SPAG17: variants seen among roughly 807,000 people sequenced by gnomAD.
The protein encoded by SPAG17 is sperm-associated antigen 17.
A neutral mutation model predicts 273.6 loss-of-function variants in SPAG17; 169 were observed. That is an observed-to-expected ratio of 0.62 (90% CI 0.55 to 0.70). SPAG17 has a LOEUF of 0.70. SPAG17 is among the 30% of genes least tolerant of loss of function. The probability of loss-of-function intolerance (pLI) is 0.00; values close to 1 mark genes in which losing one functional copy is unlikely to be tolerated. For synonymous variants in SPAG17, 825 were observed against 873.2 expected (o/e 0.94, Z 0.97); for missense variants, 2,557 against 2,627.8 (o/e 0.97, Z 0.59).
chr1:118,092,496 T>C (rs574243902), intron 8 of SPAG17, among the ~76,000 whole-genome samples: 1 of 152,244 alleles, frequency 6.6e-6, no homozygotes, highest in South Asian at 2.1e-4. Context: ...TGCTCCTGGC[T>C]TGTGCCATAA....
At position 118,157,524 on chromosome 1, in the gene SPAG17, T is replaced by C. The variant is rs539540806; in HGVS notation, c.88-6155A>G. On this transcript the variant is annotated intron_variant, in intron 1 of 48. Coordinates refer to ENST00000336338, the MANE Select transcript of SPAG17 (RefSeq NM_206996.4). ...TCTCCTTTCCTCCTGACCATTTCCC[T>C]ACTTCCCCACTCAGGCATCTGCACA... Among the ~76,000 whole-genome samples, 368 of 152,256 alleles carry C rather than the reference T, an allele frequency of 2.4e-3. 2 individuals carry two copies. The highest frequency in any genetic ancestry group is 8.5e-3 in the African/African-American group (354 of 41,550).
At chr1:118,117,631 C>CAG (rs1045142890) in intron 3 of SPAG17, among the ~76,000 whole-genome samples, 9 of 152,148 alleles carry the variant, frequency 5.9e-5, no homozygotes, top group African/African-American at 1.9e-4. Flanking sequence ...CATACAGACA[C>CAG]AGAGAGAGAG....
rs1652762665 is a variant in SPAG17 at position 117,959,662 on chromosome 1, T to G, written c.*4137A>C. 1.2e-5 allele frequency: 5 copies of G among 406,564 alleles called. No individual in the cohort carries two copies. The Admixed American group carries it at 1.3e-4, about 10-fold the overall frequency. The allele number at this position is 406,564 out of a possible 1,614,324, so 25.2% of individuals were successfully genotyped here. ...TTGGACTTAAAATGCATTATTAGTT[T>G]AAAAATCTTTCTGTGCTCTCAAAGC... On this transcript the variant is annotated intron_variant, in intron 48 of 48. Transcript: ENST00000336338.
intron 1 of SPAG17, among the ~76,000 whole-genome samples, chr1:118,172,397 A>G (rs897220182): frequency 4.6e-5 from 7 of 152,166 alleles, no homozygotes; most frequent in South Asian, 2.1e-4. Flanking sequence ...GGGTTGCCAT[A>G]AACTTTTTTC....
chr1:118,051,899 TATAAACTATTATAATAC>T (rs1382060101), intron 20 of SPAG17, among the ~76,000 whole-genome samples: 1 of 135,584 alleles, frequency 7.4e-6, no homozygotes, highest in Non-Finnish European at 1.5e-5. Flanking sequence ...TAATATAATA[TATAAACTATTATAATAC>T]ATAAACTATT....
chr1:118,083,303 A>T (rs1654734294), intron 13 of SPAG17, among the ~76,000 whole-genome samples: 1 of 152,170 alleles, frequency 6.6e-6, no homozygotes, highest in South Asian at 2.1e-4. Flanking sequence ...TCAGTTACAA[A>T]GGCACATGAT....
chr1:118,148,184 C>T (rs1659151638), intron 3 of SPAG17, among the ~76,000 whole-genome samples: 3 of 152,162 alleles, frequency 2.0e-5, no homozygotes, highest in South Asian at 4.1e-4. Flanking sequence ...GACTTTCGCT[C>T]CTCAGGAGTT....
At chr1:118,131,596 A>T (rs1160951084) in intron 3 of SPAG17, among the ~76,000 whole-genome samples, 1 of 152,216 alleles carries the variant, frequency 6.6e-6, no homozygotes, top group African/African-American at 2.4e-5. Context: ...AGCCTGGAGC[A>T]TAGTAGATGA....
intron 23 of SPAG17, among the ~76,000 whole-genome samples, chr1:118,038,628 C>T (rs986672558): frequency 6.6e-6 from 1 of 152,210 alleles, no homozygotes; most frequent in Middle Eastern, 3.4e-3. Flanking sequence ...AAAAGACACA[C>T]AGGAAACTTA....
intron 17 of SPAG17, among the ~76,000 whole-genome samples, chr1:118,067,247 T>C (rs1446074281): frequency 1.3e-5 from 2 of 152,226 alleles, no homozygotes; most frequent in East Asian, 3.8e-4. Context: ...AATTTTATCA[T>C]CATTTAAAAC....
At chr1:117,999,802 TG>T (rs564968914) in intron 32 of SPAG17, among the ~76,000 whole-genome samples, 448 of 152,350 alleles carry the variant, frequency 2.9e-3, no homozygotes, top group African/African-American at 0.01. Context: ...TAGTTTCTTT[TG>T]CCGTACAGCA....
At chr1:118,025,481 G>T in intron 26 of SPAG17, 65 bp from the exon 27 acceptor site, 1 of 1,140,296 alleles carries the variant, frequency 8.8e-7, no homozygotes, top group Non-Finnish European at 1.2e-6. Flanking sequence ...TTATCATCTT[G>T]CTTAATTATT....
chr1:118,114,172 T>C (rs113369432), intron 4 of SPAG17, among the ~76,000 whole-genome samples: 1 of 152,170 alleles, frequency 6.6e-6, no homozygotes, highest in Admixed American at 6.6e-5. Flanking sequence ...AAGTCTTAAT[T>C]ACCCTGAGTA....
chr1:118,085,110 T>G (rs760085390), intron 13 of SPAG17, among the ~76,000 whole-genome samples: 81 of 152,220 alleles, frequency 5.3e-4, no homozygotes, highest in Non-Finnish European at 9.1e-4. Flanking sequence ...TGTCCTCATG[T>G]GCAGAGATGG....
intron 18 of SPAG17, among the ~76,000 whole-genome samples, chr1:118,065,967 C>G (rs1025459178): frequency 6.6e-6 from 1 of 152,060 alleles, no homozygotes; most frequent in South Asian, 2.1e-4. Flanking sequence ...TTATTGTTAA[C>G]GAAAAACAAA....
chr1:117,981,451 T>C lies in SPAG17; in HGVS notation c.5873-50A>G, dbSNP rs145306640. 536 of 1,522,128 alleles carry C rather than the reference T, an allele frequency of 3.5e-4. 1 individual carries two copies. In the East Asian group the frequency reaches 0.012, roughly 35 times the overall value. 94.3% of individuals were successfully genotyped at this position (1,522,128 alleles called of 1,614,324 possible). A position where few individuals can be genotyped will look rare whatever the true frequency, so the allele number is the denominator to read the frequency against. On this transcript the variant is annotated intron_variant, in intron 42 of 48. Coordinates refer to ENST00000336338, the MANE Select transcript of SPAG17 (RefSeq NM_206996.4). ...TAAAGTGATATTTTGTAAAATGATA[T>C]AATGACTACTAATGTTTGCATGAAC...
At chr1:117,969,061 C>T (rs1654241604) in intron 46 of SPAG17, among the ~76,000 whole-genome samples, 1 of 152,146 alleles carries the variant, frequency 6.6e-6, no homozygotes, top group South Asian at 2.1e-4. Context: ...TCAGATGATG[C>T]ACTGATAAAG....
chr1:117,970,427 C>T (rs1029373971), intron 45 of SPAG17, among the ~76,000 whole-genome samples: 3 of 152,170 alleles, frequency 2.0e-5, no homozygotes, highest in Admixed American at 6.5e-5. Context: ...TGCATTTCAG[C>T]GTAGCTGCCA....
chr1:118,157,184 G>A (rs1174070768), intron 1 of SPAG17, among the ~76,000 whole-genome samples: 1 of 152,140 alleles, frequency 6.6e-6, no homozygotes, highest in Non-Finnish European at 1.5e-5. Context: ...TATCACAGCT[G>A]CCATCCCAGG....
Sources: gnomAD v4.1 joint callset for allele counts (sites outside exome capture counted in the v4.1 genomes callset) on GRCh38, gnomAD v4.1.1 for gene constraint, MANE v1.5 for transcripts, NCBI Gene and HGNC (gene_info 2026-07-23, HGNC 2026-07-21) for gene names.